DCC: variants seen among roughly 807,000 people sequenced by gnomAD.
DCC encodes the protein netrin receptor DCC.
Under a neutral mutation model 172.5 loss-of-function variants are expected in DCC, and 58 were observed. The observed-to-expected ratio is 0.34, with a 90% CI of 0.27 to 0.42. DCC has a LOEUF of 0.42. DCC is among the 10% of genes least tolerant of loss of function. DCC has a pLI of 1.00. For synonymous variants in DCC, 709 were observed against 644.5 expected (o/e 1.10, Z -1.52); for missense variants, 1,740 against 1,791.0 (o/e 0.97, Z 0.51).
chr18:52,857,693 G>T (rs893460680), intron 2 of DCC, among the ~76,000 whole-genome samples: 2 of 151,952 alleles, frequency 1.3e-5, no homozygotes, highest in African/African-American at 4.8e-5. Flanking sequence ...TTCTCTGGTG[G>T]TTGTTTTTAT....
intron 12 of DCC, among the ~76,000 whole-genome samples, chr18:53,302,800 G>A (rs2057156431): frequency 6.6e-6 from 1 of 152,094 alleles, no homozygotes; most frequent in Non-Finnish European, 1.5e-5. Context: ...CTAATATCGA[G>A]TGTTGTTGAG....
chr18:52,554,685 C>T (rs2144729004), intron 1 of DCC, among the ~76,000 whole-genome samples: 1 of 152,214 alleles, frequency 6.6e-6, no homozygotes, highest in Non-Finnish European at 1.5e-5. Context: ...ACAATGGTCT[C>T]ATTCTTCTGT....
At chr18:53,323,302 C>A (rs531093086) in intron 14 of DCC, among the ~76,000 whole-genome samples, 2 of 152,080 alleles carry the variant, frequency 1.3e-5, no homozygotes, top group Non-Finnish European at 2.9e-5. Context: ...ACCTCACTAT[C>A]ATTAATGATT....
chr18:52,601,731 A>G (rs1218203481), intron 1 of DCC, among the ~76,000 whole-genome samples: 2 of 152,042 alleles, frequency 1.3e-5, no homozygotes, highest in African/African-American at 2.4e-5. Flanking sequence ...TGATGTAAAT[A>G]CTAGTGTTCT....
At position 52,771,237 on chromosome 18, in the gene DCC, AT is replaced by A. The variant is rs553660272; in HGVS notation, c.412+18864del. 1.1e-4 allele frequency among the ~76,000 whole-genome samples: 17 copies of A among 152,354 alleles called. No homozygotes were observed. In the East Asian group the frequency reaches 3.3e-3, roughly 29 times the overall value. On this transcript the variant is annotated intron_variant, in intron 2 of 28. Transcript: ENST00000442544. ...ATGAAGCAGGCAGAAGGTGGAGACC[AT>A]ATATTTCTTTTAATGCAGTAAAGAA... is the stretch of plus-strand genomic sequence containing the variant.
rs141783144 is a variant in DCC at position 53,502,327 on chromosome 18, C to T, written c.4111+2817C>T. The stretch of plus-strand genomic sequence containing the variant: ...TTAGTGTTTCTCTCTTATTGTCTTC[C>T]TATGATTCCTGTTCATTTCATAATG... On this transcript the variant is annotated intron_variant, in intron 27 of 28. Coordinates refer to ENST00000442544, the MANE Select transcript of DCC (RefSeq NM_005215.4). Among the ~76,000 whole-genome samples the T allele has an allele frequency of 3.7e-4, 57 of 152,238 alleles. No individual in the cohort carries two copies. In the East Asian group the frequency reaches 4.6e-3, roughly 12 times the overall value.
intron 25 of DCC, among the ~76,000 whole-genome samples, chr18:53,472,285 G>C (rs1323235427): frequency 6.6e-6 from 1 of 152,154 alleles, no homozygotes; most frequent in Non-Finnish European, 1.5e-5. Context: ...CACACAGCTA[G>C]TACGTGCTAT....
intron 7 of DCC, among the ~76,000 whole-genome samples, chr18:53,068,326 A>G (rs2042603055): frequency 6.6e-6 from 1 of 151,920 alleles, no homozygotes; most frequent in Non-Finnish European, 1.5e-5. Context: ...GGTTAGTTAC[A>G]TATGTATACA....
intron 8 of DCC, among the ~76,000 whole-genome samples, chr18:53,164,866 A>G (rs1231081157): frequency 6.6e-6 from 1 of 152,210 alleles, no homozygotes; most frequent in African/African-American, 2.4e-5. Context: ...GGTATTTATG[A>G]TGATCTCCAT....
At chr18:52,724,093 A>G (rs981454793) in intron 1 of DCC, among the ~76,000 whole-genome samples, 2 of 152,144 alleles carry the variant, frequency 1.3e-5, no homozygotes, top group African/African-American at 4.8e-5. Flanking sequence ...ACCACCAGAT[A>G]TCAACTTTAT....
intron 20 of DCC, among the ~76,000 whole-genome samples, chr18:53,414,676 A>G (rs1052153220): frequency 3.9e-5 from 6 of 152,042 alleles, no homozygotes; most frequent in African/African-American, 1.4e-4. Flanking sequence ...GTGAAACCAC[A>G]TCTCTACTAA....
intron 7 of DCC, among the ~76,000 whole-genome samples, chr18:53,080,566 T>C (rs561782316): frequency 2.0e-5 from 3 of 152,246 alleles, no homozygotes; most frequent in East Asian, 1.9e-4. Context: ...ATAATCAAAA[T>C]AGGCAAAACT....
intron 1 of DCC, among the ~76,000 whole-genome samples, chr18:52,610,533 A>G (rs1002859003): frequency 6.6e-6 from 1 of 151,820 alleles, no homozygotes; most frequent in South Asian, 2.1e-4. Flanking sequence ...TTCAAGGATA[A>G]TTCAAGGATA....
At chr18:53,245,431 C>T (rs567525751) in intron 12 of DCC, among the ~76,000 whole-genome samples, 13 of 152,222 alleles carry the variant, frequency 8.5e-5, no homozygotes, top group African/African-American at 3.1e-4. Context: ...AGTAACATCA[C>T]CTGCCCTACA....
Position 53,386,065 on chromosome 18 carries a change from C to A in DCC, c.2382C>A (p.Ile794=). 1 of 1,612,144 alleles carries A rather than the reference C, an allele frequency of 6.2e-7. No homozygotes were observed. The highest frequency in any genetic ancestry group is 8.5e-7 in the Non-Finnish European group (1 of 1,178,274). The change falls in exon 16 of 29, where the codon ATC becomes ATA. Residue 794 remains isoleucine (I), a synonymous_variant. Coordinates refer to ENST00000442544, the MANE Select transcript of DCC (RefSeq NM_005215.4). ...ERLESSSHYV[I]SLKAFNNAGE... ...CAGAGTCAAGTTCCCATTATGTAAT[C>A]TCCCTAAAAGCTTTTAACAATGCCG...
chr18:52,835,370 C>T (rs1438881414), intron 2 of DCC, among the ~76,000 whole-genome samples: 1 of 152,156 alleles, frequency 6.6e-6, no homozygotes, highest in African/African-American at 2.4e-5. Context: ...GACTTTCAAA[C>T]TCATTTTTTA....
chr18:53,219,330 A>G (rs1211234112), intron 12 of DCC, among the ~76,000 whole-genome samples: 1 of 152,062 alleles, frequency 6.6e-6, no homozygotes. Flanking sequence ...CCTTTTCTCA[A>G]CCATTTTACT....
chr18:52,458,660 C>A (rs347534), intron 1 of DCC, among the ~76,000 whole-genome samples: 1 of 152,066 alleles, frequency 6.6e-6, no homozygotes, highest in Non-Finnish European at 1.5e-5. Context: ...ATAAAGAATA[C>A]GTGCTTCAAT....
At chr18:53,488,031 T>C (rs1319239067) in intron 26 of DCC, among the ~76,000 whole-genome samples, 1 of 152,162 alleles carries the variant, frequency 6.6e-6, no homozygotes, top group Non-Finnish European at 1.5e-5. Flanking sequence ...AAAAGACAAG[T>C]TTTAATGTTA....
Sources: gnomAD v4.1 joint callset for allele counts (sites outside exome capture counted in the v4.1 genomes callset) on GRCh38, gnomAD v4.1.1 for gene constraint, MANE v1.5 for transcripts, NCBI Gene and HGNC (gene_info 2026-07-23, HGNC 2026-07-21) for gene names.